SLC4A5: variants seen among roughly 807,000 people sequenced by gnomAD.
The protein encoded by SLC4A5 is solute carrier family 4 member 5, also known as electrogenic sodium bicarbonate cotransporter 4.
Under a neutral mutation model 120.4 loss-of-function variants are expected in SLC4A5, and 96 were observed. That is an observed-to-expected ratio of 0.80 (90% CI 0.68 to 0.94). SLC4A5 has a LOEUF of 0.94. Ranked by LOEUF, SLC4A5 falls within the 40% of genes least tolerant of loss-of-function variation. The probability of loss-of-function intolerance (pLI) is 0.00; values close to 1 mark genes in which losing one functional copy is unlikely to be tolerated. For missense variants in SLC4A5, 1,259 were observed against 1,459.5 expected (o/e 0.86, Z 2.24); for synonymous variants, 550 against 571.1 (o/e 0.96, Z 0.53).
exon 24 of SLC4A5, chr2:74,232,559 G>T: frequency 1.2e-6 from 2 of 1,614,050 alleles, no homozygotes; most frequent in Non-Finnish European, 1.7e-6. Context: ...GATGACCGTG[G>T]CAGCCACGTA....
intron 8 of SLC4A5, among the ~76,000 whole-genome samples, chr2:74,277,582 T>C (rs1353449966): frequency 6.6e-6 from 1 of 152,096 alleles, no homozygotes; most frequent in Non-Finnish European, 1.5e-5. Context: ...AATAAAGTAC[T>C]GTTGCCAAAG....
At chr2:74,292,229 T>C (rs1481921389) in intron 7 of SLC4A5, among the ~76,000 whole-genome samples, 1 of 152,226 alleles carries the variant, frequency 6.6e-6, no homozygotes, top group Non-Finnish European at 1.5e-5. Context: ...TTATTGTTGA[T>C]GCCAGCAGGT....
chr2:74,279,002 C>T (rs190030813), intron 8 of SLC4A5, among the ~76,000 whole-genome samples: 5 of 152,324 alleles, frequency 3.3e-5, no homozygotes, highest in African/African-American at 1.2e-4. Context: ...CTGCTAGGAG[C>T]CCCTCCACCT....
At chr2:74,320,707 G>T (rs761155319) in intron 5 of SLC4A5, among the ~76,000 whole-genome samples, 1 of 152,048 alleles carries the variant, frequency 6.6e-6, no homozygotes, top group Non-Finnish European at 1.5e-5. Flanking sequence ...TCTGGGAAAC[G>T]GGATTCACCA....
At chr2:74,262,169 C>G (rs1437443045) in exon 11 of SLC4A5, 1 of 1,613,896 alleles carries the variant, frequency 6.2e-7, no homozygotes, top group East Asian at 2.2e-5. Flanking sequence ...CTGCCGCATC[C>G]GCAGGTCTTC....
rs760181682 is a variant in SLC4A5, at chr2:74,239,542, G to A, written c.2119-7C>T. The A allele has an allele frequency of 2.2e-5, 36 of 1,613,648 alleles. No homozygotes were observed. The Admixed American group carries it at 5.7e-4, about 25-fold the overall frequency. ...TGAGGTTAAGGAGGTTGTACTTGGA[G>A]ACCAAGCACAGGAGAGAATGGGTCA... On this transcript the variant is annotated splice_region_variant and splice_polypyrimidine_tract_variant and intron_variant, in intron 20 of 30. Coordinates refer to ENST00000394019, the Ensembl canonical transcript of SLC4A5.
chr2:74,267,684 A>G (rs1461505069), intron 8 of SLC4A5, among the ~76,000 whole-genome samples: 4 of 152,188 alleles, frequency 2.6e-5, no homozygotes, highest in Non-Finnish European at 5.9e-5. Flanking sequence ...TATTGGGGCG[A>G]ATTAGTGTAG....
intron 13 of SLC4A5, among the ~76,000 whole-genome samples, chr2:74,254,911 C>T (rs1371685266): frequency 6.6e-6 from 1 of 151,914 alleles, no homozygotes; most frequent in Non-Finnish European, 1.5e-5. Context: ...CCTCCACCTC[C>T]TAGGCTCAAG....
chr2:74,279,998 C>A (rs568027216), intron 8 of SLC4A5, among the ~76,000 whole-genome samples: 1 of 152,146 alleles, frequency 6.6e-6, no homozygotes, highest in African/African-American at 2.4e-5. Flanking sequence ...ATTCTCCACA[C>A]TAAAGTGAGA....
intron 7 of SLC4A5, chr2:74,290,301 C>T: frequency 2.0e-6 from 2 of 985,550 alleles, no homozygotes; most frequent in Non-Finnish European, 2.4e-6. Flanking sequence ...GCCTCTGGCC[C>T]CAGCCTGCTT....
At chr2:74,223,975 G>A (rs528888485) in intron 28 of SLC4A5, among the ~76,000 whole-genome samples, 1 of 152,312 alleles carries the variant, frequency 6.6e-6, no homozygotes, top group Admixed American at 6.5e-5. Flanking sequence ...GGTCAAATTG[G>A]GAGATTGGGA....
At chr2:74,277,770 T>C (rs1473716542) in intron 8 of SLC4A5, among the ~76,000 whole-genome samples, 1 of 152,140 alleles carries the variant, frequency 6.6e-6, no homozygotes, top group Non-Finnish European at 1.5e-5. Flanking sequence ...CTAGACTAGA[T>C]AACCAATTAT....
intron 2 of SLC4A5, 92 bp from the exon 3 acceptor site, chr2:74,338,995 G>C (rs1673562437): frequency 6.6e-6 from 1 of 152,114 alleles, no homozygotes; most frequent in South Asian, 2.1e-4. Flanking sequence ...ATGATACATG[G>C]GAAGGATTTT....
At chr2:74,284,083 A>C (rs1160428998) in intron 8 of SLC4A5, among the ~76,000 whole-genome samples, 1 of 151,964 alleles carries the variant, frequency 6.6e-6, no homozygotes, top group Non-Finnish European at 1.5e-5. Context: ...CCTGGGCTCA[A>C]GCAATCTGCC....
At chr2:74,303,943 G>T in intron 7 of SLC4A5, among the ~76,000 whole-genome samples, 1 of 150,274 alleles carries the variant, frequency 6.7e-6, no homozygotes, top group South Asian at 2.1e-4. Context: ...TCCGCCTCCC[G>T]GGTTCACGCC....
At chr2:74,324,076 GTAAA>G (rs1673157192) in intron 5 of SLC4A5, among the ~76,000 whole-genome samples, 1 of 152,082 alleles carries the variant, frequency 6.6e-6, no homozygotes, top group Admixed American at 6.6e-5. Context: ...ACGTTTTAAA[GTAAA>G]TAATTTAATA....
intron 6 of SLC4A5, chr2:74,307,073 A>G: frequency 1.8e-6 from 1 of 566,034 alleles, no homozygotes; most frequent in Non-Finnish European, 3.3e-6. Flanking sequence ...TGACCTTCAG[A>G]TTTCTCATGG....
intron 7 of SLC4A5, among the ~76,000 whole-genome samples, chr2:74,295,565 C>T (rs562532175): frequency 1.3e-5 from 2 of 152,100 alleles, no homozygotes; most frequent in African/African-American, 4.8e-5. Flanking sequence ...ATCTGGGAGG[C>T]AGAGGTTGCA....
rs757870254 is a variant in SLC4A5, at chr2:74,224,996, C to G, written c.3091-1G>C. ...TTCGAACGATGATGAGGCCCAGGAT[C>G]TGTGGTGGAGAGAGACTAAAGTTTT... On this transcript the variant is annotated splice_acceptor_variant, in intron 27 of 30. Transcript: ENST00000394019. LOFTEE classifies it high-confidence loss of function. 7 of 1,613,300 alleles carry G rather than the reference C, an allele frequency of 4.3e-6. No individual in the cohort carries two copies. In the Admixed American group the frequency reaches 1.2e-4, roughly 27 times the overall value.
Sources: gnomAD v4.1 joint callset for allele counts (sites outside exome capture counted in the v4.1 genomes callset) on GRCh38, gnomAD v4.1.1 for gene constraint, MANE v1.5 for transcripts, NCBI Gene and HGNC (gene_info 2026-07-23, HGNC 2026-07-21) for gene names.